Variants in TEX29 observed in about 807,000 individuals in gnomAD.
TEX29 encodes the protein testis-expressed protein 29.
Under a neutral mutation model 18.2 loss-of-function variants are expected in TEX29, and 26 were observed. That is an observed-to-expected ratio of 1.43 (90% confidence interval 1.04 to 1.98). The LOEUF (loss-of-function observed/expected upper bound fraction) is 1.98, where lower values mean the gene tolerates loss of function less well. TEX29 is among the 30% of genes most tolerant of loss of function. The pLI is 0.00. For synonymous variants in TEX29, 83 were observed against 78.5 expected (o/e 1.06, Z -0.31); for missense variants, 177 against 194.2 (o/e 0.91, Z 0.53).
intron 3 of TEX29, among the ~76,000 whole-genome samples, chr13:111,336,962 C>T (rs190092558): frequency 5.9e-5 from 9 of 152,310 alleles, no homozygotes; most frequent in Non-Finnish European, 8.8e-5. Flanking sequence ...GTCTCTTTAA[C>T]AGGACTTCAC....
At chr13:111,337,411 T>C (rs958440920) in intron 3 of TEX29, among the ~76,000 whole-genome samples, 1 of 152,088 alleles carries the variant, frequency 6.6e-6, no homozygotes, top group African/African-American at 2.4e-5. Context: ...TGCTGGGAAG[T>C]TGGTACCAGA....
At chr13:111,325,565 G>A (rs1462998674) in intron 2 of TEX29, among the ~76,000 whole-genome samples, 2 of 152,212 alleles carry the variant, frequency 1.3e-5, no homozygotes, top group African/African-American at 4.8e-5. Context: ...CAACCTCAAA[G>A]CCTGTTAGGG....
At chr13:111,320,606 G>T (rs956124893), upstream of TEX29, 3 of 527,554 alleles carry the variant, frequency 5.7e-6, no homozygotes, top group Non-Finnish European at 1.0e-5. Context: ...GTCACAGCGG[G>T]CGGGGTGGTG....
chr13:111,341,795 A>C (rs2093696883), intron 4 of TEX29, among the ~76,000 whole-genome samples: 2 of 152,078 alleles, frequency 1.3e-5, no homozygotes, highest in South Asian at 2.1e-4. Flanking sequence ...TGAGCACCTA[A>C]GACTCTTAAG....
chr13:111,332,449 T>G (rs1205179629), intron 3 of TEX29, among the ~76,000 whole-genome samples: 1 of 152,142 alleles, frequency 6.6e-6, no homozygotes, highest in African/African-American at 2.4e-5. Context: ...TCCTTAGGAT[T>G]TTTTGCATAC....
upstream of TEX29, chr13:111,320,635 A>ACAGT (rs572682924): frequency 2.9e-4 from 162 of 563,450 alleles, no homozygotes; most frequent in South Asian, 3.2e-3. Context: ...GCCTGGTCCC[A>ACAGT]CAGTCCATAG....
intron 2 of TEX29, among the ~76,000 whole-genome samples, chr13:111,327,123 A>C (rs1290713776): frequency 6.6e-6 from 1 of 152,134 alleles, no homozygotes. Flanking sequence ...CATGCAACTG[A>C]GGGAGGAGAG....
intron 3 of TEX29, among the ~76,000 whole-genome samples, chr13:111,336,778 C>G (rs1215915429): frequency 6.6e-6 from 1 of 152,160 alleles, no homozygotes; most frequent in African/African-American, 2.4e-5. Flanking sequence ...TATGATAAGC[C>G]AAAGATATGG....
intron 2 of TEX29, among the ~76,000 whole-genome samples, chr13:111,326,109 T>C (rs2093672478): frequency 1.3e-5 from 2 of 151,468 alleles, no homozygotes; most frequent in South Asian, 4.2e-4. Context: ...GCTGGTGGGA[T>C]CTTGGGTTTC....
intron 3 of TEX29, among the ~76,000 whole-genome samples, chr13:111,329,457 C>T (rs1283241427): frequency 6.6e-6 from 1 of 151,338 alleles, no homozygotes; most frequent in Non-Finnish European, 1.5e-5. Context: ...TAGACTGAGC[C>T]TTCAGAGACC....
At chr13:111,318,056 A>G (rs886159266), upstream of TEX29, among the ~76,000 whole-genome samples, 4 of 152,114 alleles carry the variant, frequency 2.6e-5, no homozygotes, top group Non-Finnish European at 5.9e-5. Context: ...CTCTTTTTTG[A>G]GGAAACACAG....
At chr13:111,324,720 C>T (rs975826044) in intron 2 of TEX29, among the ~76,000 whole-genome samples, 12 of 152,192 alleles carry the variant, frequency 7.9e-5, no homozygotes, top group Non-Finnish European at 1.8e-4. Flanking sequence ...TCATCAGCCA[C>T]GTTTAAAACG....
At chr13:111,333,649 G>A (rs1251449160) in intron 3 of TEX29, among the ~76,000 whole-genome samples, 4 of 152,162 alleles carry the variant, frequency 2.6e-5, no homozygotes, top group Admixed American at 2.0e-4. Flanking sequence ...ACCTAAGACC[G>A]GGTAATTTAT....
At chr13:111,324,635 T>C (rs1336711371) in intron 2 of TEX29, among the ~76,000 whole-genome samples, 2 of 151,638 alleles carry the variant, frequency 1.3e-5, no homozygotes, top group African/African-American at 2.4e-5. Context: ...GCAAGGGAGG[T>C]GGATGGAGCA....
intron 3 of TEX29, among the ~76,000 whole-genome samples, chr13:111,328,813 A>ACCC (rs2093678297): frequency 6.6e-6 from 1 of 152,110 alleles, no homozygotes; most frequent in African/African-American, 2.4e-5. Flanking sequence ...GAAGCCCCTC[A>ACCC]AGCAGCACGG....
At chr13:111,323,094 C>CCA (rs1317178509) in intron 2 of TEX29, among the ~76,000 whole-genome samples, 7 of 152,226 alleles carry the variant, frequency 4.6e-5, no homozygotes, top group African/African-American at 1.7e-4. Context: ...CCAAGCCCAC[C>CCA]CACTCTGCAG....
At position 111,344,200 on chromosome 13, in the gene TEX29, G is replaced by A. The variant is rs1368825212; in HGVS notation, c.*77G>A. 1 of 1,223,032 alleles carries A rather than the reference G, an allele frequency of 8.2e-7. No homozygotes were observed. 75.8% of individuals were successfully genotyped at this position (1,223,032 alleles called of 1,614,324 possible). A position where few individuals can be genotyped will look rare whatever the true frequency, so the allele number is the denominator to read the frequency against. On this transcript the variant is annotated 3_prime_UTR_variant, in exon 6 of 6. Coordinates refer to ENST00000283547, the MANE Select transcript of TEX29 (RefSeq NM_152324.3). ...ACAGCAGGTGCACTGTTAACAGTGT[G>A]ATGGAATGACCACCCAAAGAGAAAA...
At chr13:111,343,218 G>T (rs1255672094) in intron 5 of TEX29, among the ~76,000 whole-genome samples, 1 of 152,202 alleles carries the variant, frequency 6.6e-6, no homozygotes, top group African/African-American at 2.4e-5. Flanking sequence ...CATTGTTAGT[G>T]TGGGAAGCTC....
chr13:111,333,994 T>G (rs1361918798), intron 3 of TEX29, among the ~76,000 whole-genome samples: 2 of 152,236 alleles, frequency 1.3e-5, no homozygotes, highest in Non-Finnish European at 2.9e-5. Context: ...TTTAGTTCCT[T>G]AGACATGATT....
Sources: allele counts gnomAD v4.1 joint callset (sites outside exome capture counted in the v4.1 genomes callset), GRCh38; gene constraint gnomAD v4.1.1; transcripts MANE v1.5; gene names NCBI Gene and HGNC (gene_info 2026-07-23, HGNC 2026-07-21).